KLHL13: variants seen among roughly 807,000 people sequenced by gnomAD.
KLHL13 encodes kelch like family member 13.
KLHL13 carries 10 observed loss-of-function variants against 37.1 expected under a neutral mutation model. That is an observed-to-expected ratio of 0.27 (90% confidence interval 0.17 to 0.46). KLHL13 has a LOEUF of 0.46. Ranked by LOEUF, KLHL13 falls within the 20% of genes least tolerant of loss-of-function variation. The pLI is 1.00. For missense variants in KLHL13, 360 were observed against 509.3 expected, an observed-to-expected ratio of 0.71 and a Z score of 2.82; for synonymous variants, 163 against 181.2, an observed-to-expected ratio of 0.90 and a Z score of 0.81.
Position 117,955,026 on chromosome X carries a change from T to C in KLHL13, c.99-9451A>G, listed in dbSNP as rs146663043. 2.4e-4 allele frequency among the ~76,000 whole-genome samples: 27 copies of C among 112,175 alleles called. 1 individual carries two copies. In the East Asian group the frequency reaches 7.3e-3, roughly 30 times the overall value. On this transcript the variant is annotated intron_variant, in intron 1 of 6. Transcript: ENST00000262820. ...TCATCAACTTTAAAATTTGACTCTT[T>C]TGCTAAGGTGCATTAAAATCAAAAA...
chrX:118,050,588 T>TTCTC (rs955814800), intron 1 of KLHL13, among the ~76,000 whole-genome samples: 1 of 109,687 alleles, frequency 9.1e-6, no homozygotes, highest in African/African-American at 3.3e-5. Flanking sequence ...CTTTCTTTCC[T>TTCTC]TCTCTCTCTC....
At chrX:117,953,320 C>T (rs979603498) in intron 1 of KLHL13, among the ~76,000 whole-genome samples, 1 of 110,364 alleles carries the variant, frequency 9.1e-6, no homozygotes. Flanking sequence ...AACCAAACAC[C>T]GCATGTTCTC....
intron 1 of KLHL13, among the ~76,000 whole-genome samples, chrX:118,059,396 C>T (rs2054717467): frequency 9.0e-6 from 1 of 111,730 alleles, no homozygotes; most frequent in African/African-American, 3.2e-5. Flanking sequence ...TCTTCTCACG[C>T]TGTTTCCACT....
At chrX:118,111,000 A>G (rs892389763) in intron 1 of KLHL13, among the ~76,000 whole-genome samples, 2 of 112,344 alleles carry the variant, frequency 1.8e-5, no homozygotes, top group African/African-American at 6.5e-5. Flanking sequence ...CAGTTATTGC[A>G]TGAGTAAATC....
At chrX:118,037,325 CAA>C (rs1381509350) in intron 1 of KLHL13, among the ~76,000 whole-genome samples, 1 of 80,255 alleles carries the variant, frequency 1.2e-5, no homozygotes, top group Non-Finnish European at 2.4e-5. Flanking sequence ...TTCACAATAG[CAA>C]AGACTTGGAA....
At chrX:118,010,653 G>A (rs1410099972) in intron 1 of KLHL13, among the ~76,000 whole-genome samples, 10 of 92,290 alleles carry the variant, frequency 1.1e-4, no homozygotes, top group African/African-American at 4.0e-4. Flanking sequence ...TGACGAGTTA[G>A]TGGGTGCAGC....
intron 1 of KLHL13, among the ~76,000 whole-genome samples, chrX:118,038,104 G>T (rs940047352): frequency 8.9e-6 from 1 of 112,413 alleles, no homozygotes; most frequent in African/African-American, 3.2e-5. Flanking sequence ...ACACCAAACA[G>T]TGTCTAACAG....
At chrX:118,079,251 C>T (rs1040808732) in intron 1 of KLHL13, among the ~76,000 whole-genome samples, 14 of 109,944 alleles carry the variant, frequency 1.3e-4, no homozygotes, top group Non-Finnish European at 2.3e-4. Context: ...AATATCAGGA[C>T]ATACAATAAG....
In KLHL13 at chrX:118,081,499, C is replaced by T. The variant is rs189016814; in HGVS notation, c.-56+35009G>A. On this transcript the variant is annotated intron_variant, in intron 1 of 6. Transcript: ENST00000371882. Reference sequence around the variant, plus strand: ...AATAATTGGACATATTTTTGGGGTGCACATAATATTTTTGATACAAGCATA... The same window carrying T: ...AATAATTGGACATATTTTTGGGGTGTACATAATATTTTTGATACAAGCATA... Among the ~76,000 whole-genome samples, 3 of 110,948 alleles carry T rather than the reference C, an allele frequency of 2.7e-5. No individual in the cohort carries two copies. In the East Asian group the frequency reaches 8.5e-4, roughly 32 times the overall value.
At position 117,955,777 on chromosome X, in the gene KLHL13, T is replaced by C. The variant is rs12851506; in HGVS notation, c.99-10202A>G. Among the ~76,000 whole-genome samples, 768 of 111,597 alleles carry C rather than the reference T, an allele frequency of 6.9e-3. 11 individuals carry two copies. Among genetic ancestry groups the C allele is most frequent in the African/African-American group, 0.024 (727 of 30,760 alleles). On this transcript the variant is annotated intron_variant, in intron 1 of 6. Transcript: ENST00000262820. Reference sequence around the variant, plus strand: ...TCTGCCTCACCATTAAGGGTTTTTTTCCACAAAACTTTATTATAAGACTTC... The same window carrying C: ...TCTGCCTCACCATTAAGGGTTTTTTCCCACAAAACTTTATTATAAGACTTC...
At chrX:118,109,050 A>T (rs1326654072) in intron 1 of KLHL13, among the ~76,000 whole-genome samples, 2 of 112,041 alleles carry the variant, frequency 1.8e-5, no homozygotes, top group African/African-American at 6.5e-5. Flanking sequence ...TCCTGGGCTC[A>T]AGCAATGCTC....
intron 1 of KLHL13, among the ~76,000 whole-genome samples, chrX:118,052,939 T>C (rs1290728272): frequency 9.0e-6 from 1 of 110,818 alleles, no homozygotes; most frequent in Non-Finnish European, 1.9e-5. Flanking sequence ...ATAAAGAAAA[T>C]AATGTTTAAG....
intron 1 of KLHL13, among the ~76,000 whole-genome samples, chrX:118,087,215 C>T (rs1280787671): frequency 9.1e-6 from 1 of 110,465 alleles, no homozygotes; most frequent in Non-Finnish European, 1.9e-5. Flanking sequence ...CCTCTAAACT[C>T]TCATCCCTGT....
At chrX:117,965,052 G>C (rs1159023024) in intron 1 of KLHL13, among the ~76,000 whole-genome samples, 2 of 111,889 alleles carry the variant, frequency 1.8e-5, no homozygotes, top group East Asian at 5.6e-4. Context: ...AAACATACAT[G>C]TGCATGTGTC....
chrX:117,998,193 A>T (rs2053877655), intron 1 of KLHL13, among the ~76,000 whole-genome samples: 2 of 111,977 alleles, frequency 1.8e-5, no homozygotes, highest in Non-Finnish European at 3.8e-5. Context: ...TGGGAAGAAC[A>T]GCTAAACTTC....
chrX:118,010,749 A>G (rs868605095), intron 1 of KLHL13, among the ~76,000 whole-genome samples: 1 of 110,249 alleles, frequency 9.1e-6, no homozygotes, highest in Non-Finnish European at 1.9e-5. Context: ...ATTTAAAAAA[A>G]AAAAGAGTCA....
intron 1 of KLHL13, among the ~76,000 whole-genome samples, chrX:118,090,158 A>C (rs762168669): frequency 3.4e-4 from 38 of 110,523 alleles, no homozygotes; most frequent in Non-Finnish European, 5.1e-4. Flanking sequence ...TAAAGACTTA[A>C]ATGTTAGACC....
rs1288277041 is a variant in KLHL13, at chrX:118,034,130, A to T, written c.-56+82378T>A. On this transcript the variant is annotated intron_variant, in intron 1 of 6. Transcript: ENST00000371882. ...CCTACAAAGAGACTTAGACTCCCAC[A>T]CATTAATAATGGGAGACTTTAACAC... Among the ~76,000 whole-genome samples, 3 of 100,125 alleles carry T rather than the reference A, an allele frequency of 3.0e-5. No individual in the cohort carries two copies. In the East Asian group the frequency reaches 8.6e-4, roughly 29 times the overall value. The allele number at this position is 100,125 out of a possible 115,157, so 86.9% of individuals were successfully genotyped here. A position where few individuals can be genotyped will look rare whatever the true frequency, so the allele number is the denominator to read the frequency against.
Position 117,919,518 on chromosome X carries a change from T to A in KLHL13, c.570+3A>T. The A allele has an allele frequency of 8.4e-7, 1 of 1,191,264 alleles. No individual in the cohort carries two copies. Among genetic ancestry groups the A allele is most frequent in the Non-Finnish European group, 1.1e-6 (1 of 878,697 alleles). On this transcript the variant is annotated splice_donor_region_variant and intron_variant, in intron 4 of 6. Coordinates refer to ENST00000262820, the Ensembl canonical transcript of KLHL13. ...GGAAAAATCAGATTTCAAAATATCT[T>A]ACCCCAGATATGAGAAACACTTTAC...
Sources: gnomAD v4.1 joint callset for allele counts (sites outside exome capture counted in the v4.1 genomes callset) on GRCh38, gnomAD v4.1.1 for gene constraint, MANE v1.5 for transcripts, NCBI Gene and HGNC (gene_info 2026-07-23, HGNC 2026-07-21) for gene names.